Variants in PTGER3 observed in about 807,000 individuals in gnomAD.
PTGER3 encodes the protein prostaglandin E2 receptor EP3 subtype.
In PTGER3, 22 loss-of-function variants were observed where a neutral mutation model predicts 34.7. The ratio of observed to expected loss-of-function variants is 0.63; its 90% CI spans 0.45 to 0.91. PTGER3 has a LOEUF of 0.91. Ranked by LOEUF, PTGER3 falls within the 40% of genes least tolerant of loss-of-function variation. The probability of loss-of-function intolerance (pLI) is 0.00; values close to 1 mark genes in which losing one functional copy is unlikely to be tolerated. For synonymous variants in PTGER3, 241 were observed against 230.1 expected (o/e 1.05, Z -0.43); for missense variants, 468 against 519.4 (o/e 0.90, Z 0.96).
chr1:71,028,223 C>T (rs1659108217), intron 1 of PTGER3, among the ~76,000 whole-genome samples: 1 of 151,964 alleles, frequency 6.6e-6, no homozygotes, highest in Non-Finnish European at 1.5e-5. Flanking sequence ...TAATGAGATC[C>T]AACAGTTTCC....
intron 2 of PTGER3, among the ~76,000 whole-genome samples, chr1:70,993,624 TGGGAG>T (rs982781635): frequency 2.0e-5 from 3 of 152,204 alleles, no homozygotes; most frequent in African/African-American, 7.2e-5. Flanking sequence ...CAGGAATGAC[TGGGAG>T]GCTGCTCAGG....
chr1:71,041,315 G>A (rs1573008701), intron 1 of PTGER3, among the ~76,000 whole-genome samples: 2 of 152,310 alleles, frequency 1.3e-5, no homozygotes, highest in South Asian at 2.1e-4. Flanking sequence ...AGTATTGGTT[G>A]CTTACCTTGT....
chr1:70,954,140 G>T (rs1046174164), intron 2 of PTGER3, among the ~76,000 whole-genome samples: 2 of 152,132 alleles, frequency 1.3e-5, no homozygotes, highest in Non-Finnish European at 2.9e-5. Context: ...CACTCACTAA[G>T]ATAGCTGCAT....
At position 70,971,520 on chromosome 1, in the gene PTGER3, C is replaced by T. The variant is rs550282908; in HGVS notation, c.*210G>A. The T allele has an allele frequency of 1.8e-5, 22 of 1,217,134 alleles. No homozygotes were observed. Among genetic ancestry groups the T allele is most frequent in the Admixed American group, 4.4e-5 (1 of 22,862 alleles). 75.4% of individuals were successfully genotyped at this position (1,217,134 alleles called of 1,614,324 possible). ...CTTAAATGCATATTCAAAATCCCAT[C>T]CAAGAAACCAATCTAATATTCAGAG... On this transcript the variant is annotated 3_prime_UTR_variant, in exon 4 of 4. Transcript: ENST00000306666.
chr1:71,046,123 T>TAAA (rs796109404), intron 1 of PTGER3, among the ~76,000 whole-genome samples: 1 of 140,932 alleles, frequency 7.1e-6, no homozygotes, highest in African/African-American at 2.6e-5. Flanking sequence ...CTACTAAAAA[T>TAAA]AAAAAAAAAA....
intron 4 of PTGER3, among the ~76,000 whole-genome samples, chr1:70,932,270 A>T: frequency 6.6e-6 from 1 of 151,852 alleles, no homozygotes; most frequent in East Asian, 1.9e-4. Context: ...GCCATTCATC[A>T]AGTCTCTAGG....
At chr1:71,038,141 C>CT (rs1659995433) in intron 1 of PTGER3, among the ~76,000 whole-genome samples, 1 of 152,136 alleles carries the variant, frequency 6.6e-6, no homozygotes, top group Admixed American at 6.6e-5. Flanking sequence ...TCACACACTT[C>CT]TTTTTTCCAA....
chr1:70,868,186 A>C lies in PTGER3; in HGVS notation c.*24-15327T>G, dbSNP rs182002425. ...GTTTTTCCTATCAACCATTTAGTTC[A>C]TCTAGTATACTCCTATGTCACCTTT... On this transcript the variant is annotated intron_variant, in intron 4 of 4. Coordinates refer to the PTGER3 transcript ENST00000370931. Among the ~76,000 whole-genome samples the C allele has an allele frequency of 9.7e-4, 147 of 151,866 alleles. 1 individual carries two copies. Among genetic ancestry groups the C allele is most frequent in the South Asian group, 2.3e-3 (11 of 4,784 alleles).
chr1:70,978,203 G>A (rs771584602), intron 2 of PTGER3, among the ~76,000 whole-genome samples: 4 of 152,002 alleles, frequency 2.6e-5, no homozygotes, highest in Non-Finnish European at 5.9e-5. Flanking sequence ...TCATTCCTGT[G>A]CTAATAAAAC....
chr1:70,969,522 T>C (rs1343960948), downstream of PTGER3, among the ~76,000 whole-genome samples: 1 of 152,106 alleles, frequency 6.6e-6, no homozygotes, highest in Non-Finnish European at 1.5e-5. Flanking sequence ...AAGAGACATA[T>C]ACAATGAAAA....
At chr1:70,931,228 C>A (rs1170537503) in intron 4 of PTGER3, among the ~76,000 whole-genome samples, 1 of 152,196 alleles carries the variant, frequency 6.6e-6, no homozygotes, top group Non-Finnish European at 1.5e-5. Context: ...GGTGGGTTCC[C>A]ATGGTCTTGG....
intron 2 of PTGER3, among the ~76,000 whole-genome samples, chr1:70,984,264 G>A (rs1156719409): frequency 6.6e-6 from 1 of 151,758 alleles, no homozygotes; most frequent in Non-Finnish European, 1.5e-5. Flanking sequence ...GCACACACCT[G>A]TAATCCCAGC....
intron 4 of PTGER3, among the ~76,000 whole-genome samples, chr1:70,863,498 C>T (rs1490961774): frequency 1.3e-5 from 2 of 152,168 alleles, no homozygotes; most frequent in East Asian, 3.9e-4. Context: ...AGCCAACCCT[C>T]TTCAAAATCA....
In PTGER3 at chr1:71,023,990, G is replaced by A. The variant is rs1384594409; in HGVS notation, c.898-11506C>T. ...TGCTTAAAAAAGATGCTTGTAAAAT[G>A]AAATTTTAATCTTGTTATTCCACTT... On this transcript the variant is annotated intron_variant, in intron 1 of 3. Coordinates refer to ENST00000306666, the MANE Select transcript of PTGER3 (RefSeq NM_198719.2). 2.0e-5 allele frequency among the ~76,000 whole-genome samples: 3 copies of A among 150,286 alleles called. No homozygotes were observed. In the East Asian group the frequency reaches 5.8e-4, roughly 29 times the overall value.
At chr1:70,903,989 A>G (rs1646893733) in intron 4 of PTGER3, among the ~76,000 whole-genome samples, 1 of 152,184 alleles carries the variant, frequency 6.6e-6, no homozygotes, top group South Asian at 2.1e-4. Flanking sequence ...CACAATTCCC[A>G]TGTGTTGTGG....
rs369954340 is a variant in PTGER3, at chr1:70,976,448, G to A, written c.1078-2060C>T. Among the ~76,000 whole-genome samples the A allele has an allele frequency of 3.9e-5, 6 of 152,180 alleles. No homozygotes were observed. In the East Asian group the frequency reaches 9.7e-4, roughly 25 times the overall value. ...GCTATGCATATGTGGGGCCAGGGGA[G>A]TCTGTGAAAAATCTCTGCACTTCTC... On this transcript the variant is annotated intron_variant, in intron 2 of 3. Transcript: ENST00000306666.
In PTGER3 at chr1:70,923,406, T is replaced by TA. The variant is rs1264215781; in HGVS notation, c.*23+30356dup. ...TAATAGTGGCTGTCCTAAGACTTTT[T>TA]ATCATCCACAGACAATTTTTGTCCT... On this transcript the variant is annotated intron_variant, in intron 4 of 4. Coordinates refer to the PTGER3 transcript ENST00000370931. Among the ~76,000 whole-genome samples, 4 of 152,326 alleles carry TA rather than the reference T, an allele frequency of 2.6e-5. No homozygotes were observed. The East Asian group carries it at 5.8e-4, about 22-fold the overall frequency.
intron 1 of PTGER3, among the ~76,000 whole-genome samples, chr1:71,034,700 A>G (rs1161659828): frequency 3.9e-5 from 6 of 152,274 alleles, no homozygotes; most frequent in African/African-American, 1.4e-4. Context: ...CTCAGTCAAT[A>G]TAAGGGAAAT....
intron 4 of PTGER3, among the ~76,000 whole-genome samples, chr1:70,903,836 G>T (rs1162024701): frequency 6.6e-6 from 1 of 152,114 alleles, no homozygotes; most frequent in African/African-American, 2.4e-5. Context: ...TGTAATACTG[G>T]GTAAGATTTC....
Sources: gnomAD v4.1 joint callset for allele counts (sites outside exome capture counted in the v4.1 genomes callset) on GRCh38, gnomAD v4.1.1 for gene constraint, MANE v1.5 for transcripts, NCBI Gene and HGNC (gene_info 2026-07-23, HGNC 2026-07-21) for gene names.